Variants in ST18 observed in about 807,000 individuals in gnomAD.
The protein encoded by ST18 is ST18 C2H2C-type zinc finger transcription factor.
In ST18, 50 loss-of-function variants were observed where a neutral mutation model predicts 110.0. That is an observed-to-expected ratio of 0.45 (90% CI 0.36 to 0.58). The LOEUF is 0.58. ST18 is among the 20% of genes least tolerant of loss of function. The probability of loss-of-function intolerance (pLI) is 0.00; values close to 1 mark genes in which losing one functional copy is unlikely to be tolerated. For missense variants in ST18, 1,306 were observed against 1,280.1 expected (o/e 1.02, Z -0.31); for synonymous variants, 461 against 452.4 (o/e 1.02, Z -0.24).
chr8:52,201,375 A>C (rs1024771234), intron 8 of ST18: 6 of 152,212 alleles, frequency 3.9e-5, no homozygotes, highest in African/African-American at 1.4e-4. Flanking sequence ...CACAGGGGCA[A>C]TCTGGAAGAA....
At chr8:52,132,953 C>A in intron 21 of ST18, 104 bp downstream of exon 21, 1 of 1,304,552 alleles carries the variant, frequency 7.7e-7, no homozygotes, top group Admixed American at 1.9e-5. Context: ...ATAGGGTACA[C>A]CTTCCCTGAA....
intron 17 of ST18, among the ~76,000 whole-genome samples, chr8:52,140,347 T>A (rs2054452370): frequency 6.6e-6 from 1 of 152,048 alleles, no homozygotes; most frequent in Admixed American, 6.5e-5. Flanking sequence ...CTGGCCAACA[T>A]GGCGAAACCC....
At chr8:52,193,410 T>A (rs1563979559) in intron 8 of ST18, among the ~76,000 whole-genome samples, 1 of 152,152 alleles carries the variant, frequency 6.6e-6, no homozygotes, top group African/African-American at 2.4e-5. Flanking sequence ...AAGTCCCATC[T>A]CCCTGGGACA....
intron 19 of ST18, 58 bp from the exon 20 acceptor site, chr8:52,133,359 C>A: frequency 6.3e-7 from 1 of 1,591,276 alleles, no homozygotes; most frequent in Non-Finnish European, 8.6e-7. Flanking sequence ...GAGTGGGGGT[C>A]ACACTCAAGT....
intron 2 of ST18, among the ~76,000 whole-genome samples, chr8:52,269,027 A>C (rs2094980409): frequency 6.6e-6 from 1 of 152,220 alleles, no homozygotes; most frequent in South Asian, 2.1e-4. Flanking sequence ...TGCTGACATC[A>C]ATGCATGGAG....
rs763059004 is a variant in ST18, at chr8:52,126,127, G to A, written c.2680C>T (p.Pro894Ser). ...FVTHRSLSGC[P>S]LNAQVIKKGK... Reference sequence around the variant, plus strand: ...TTTTTGATAACTTGTGCATTGAGAGGACATCCAGATAAGCTGTGAAAATAG... The same window carrying A: ...TTTTTGATAACTTGTGCATTGAGAGAACATCCAGATAAGCTGTGAAAATAG... Residue 894 changes from proline (P) to serine (S), a missense_variant, in exon 23 of 26, where the codon CCT (proline) becomes TCT (serine). Physicochemically the swap from Pro to Ser is moderately conservative, Grantham distance 74. Transcript: ENST00000689386. 5 of 1,613,978 alleles carry A rather than the reference G, an allele frequency of 3.1e-6. No homozygotes were observed. The highest frequency in any genetic ancestry group is 3.3e-5 in the Admixed American group (2 of 59,994).
At chr8:52,351,315 T>C (rs1357814565) in intron 2 of ST18, among the ~76,000 whole-genome samples, 2 of 152,194 alleles carry the variant, frequency 1.3e-5, no homozygotes, top group African/African-American at 4.8e-5. Flanking sequence ...CAATTGAAAG[T>C]GCTGTCTTCA....
At chr8:52,318,689 TG>T (rs1054175379) in intron 2 of ST18, among the ~76,000 whole-genome samples, 1 of 151,976 alleles carries the variant, frequency 6.6e-6, no homozygotes, top group African/African-American at 2.4e-5. Context: ...GATAAGAAAA[TG>T]TGGTACATAT....
chr8:52,374,572 C>T (rs1262769040), intron 2 of ST18, among the ~76,000 whole-genome samples: 1 of 151,530 alleles, frequency 6.6e-6, no homozygotes, highest in African/African-American at 2.4e-5. Flanking sequence ...GCAGGATGTA[C>T]AGGTTTGTTA....
intron 16 of ST18, among the ~76,000 whole-genome samples, chr8:52,149,028 AC>A (rs916662000): frequency 2.0e-5 from 3 of 152,222 alleles, no homozygotes; most frequent in Non-Finnish European, 4.4e-5. Flanking sequence ...AGTCTAAACA[AC>A]CGAGGGTTCT....
chr8:52,357,304 C>T (rs1446025498), intron 2 of ST18, among the ~76,000 whole-genome samples: 1 of 151,936 alleles, frequency 6.6e-6, no homozygotes, highest in African/African-American at 2.4e-5. Context: ...AAATAGAAAA[C>T]TGGCAGAAGT....
chr8:52,373,296 T>C (rs774313659), intron 2 of ST18, among the ~76,000 whole-genome samples: 21 of 152,154 alleles, frequency 1.4e-4, no homozygotes, highest in Non-Finnish European at 2.9e-4. Context: ...TGATATCAAG[T>C]GATATCACAT....
chr8:52,264,261 T>C (rs1294368043), intron 2 of ST18, among the ~76,000 whole-genome samples: 1 of 152,266 alleles, frequency 6.6e-6, no homozygotes, highest in East Asian at 1.9e-4. Flanking sequence ...AGAAAATTGA[T>C]ACCCATGTGG....
intron 8 of ST18, among the ~76,000 whole-genome samples, 175 bp downstream of exon 8, chr8:52,211,904 A>G (rs148530916): frequency 1.1e-4 from 16 of 152,302 alleles, no homozygotes; most frequent in Admixed American, 9.8e-4. Context: ...AGGATCGAGT[A>G]TCAGTACAAT....
At chr8:52,178,648 C>CAAAAAAAAAAAAAAAAAAAA (rs2068035729) in intron 9 of ST18, among the ~76,000 whole-genome samples, 1 of 37,412 alleles carries the variant, frequency 2.7e-5, no homozygotes, top group African/African-American at 1.1e-4. Context: ...AAAAAACCAC[C>CAAAAAAAAAAAAAAAAAAAA]AAAAACCAAA....
chr8:52,240,317 TAAAG>T (rs996236826), intron 2 of ST18, among the ~76,000 whole-genome samples: 1 of 152,160 alleles, frequency 6.6e-6, no homozygotes, highest in Non-Finnish European at 1.5e-5. Context: ...ACTAACATGT[TAAAG>T]GAACTTGCAG....
chr8:52,148,126 GGTC>G (rs1449895687), intron 16 of ST18, among the ~76,000 whole-genome samples: 1 of 152,098 alleles, frequency 6.6e-6, no homozygotes, highest in Non-Finnish European at 1.5e-5. Flanking sequence ...GCCAGTTTGT[GGTC>G]GTCATTTGAG....
intron 2 of ST18, among the ~76,000 whole-genome samples, chr8:52,342,570 C>T (rs77926176): frequency 5.9e-5 from 9 of 152,180 alleles, no homozygotes; most frequent in South Asian, 2.1e-4. Flanking sequence ...CAACCTTATG[C>T]GCCTCAGCCA....
At chr8:52,243,193 A>G (rs2093580146) in intron 2 of ST18, among the ~76,000 whole-genome samples, 1 of 152,182 alleles carries the variant, frequency 6.6e-6, no homozygotes, top group Admixed American at 6.6e-5. Flanking sequence ...GTGCTTCTCC[A>G]GTCTTTGAAT....
Sources: gnomAD v4.1 joint callset for allele counts (sites outside exome capture counted in the v4.1 genomes callset) on GRCh38, gnomAD v4.1.1 for gene constraint, MANE v1.5 for transcripts, NCBI Gene and HGNC (gene_info 2026-07-23, HGNC 2026-07-21) for gene names.